Variants in SMOC1 observed in about 807,000 individuals in gnomAD.
SMOC1 encodes SPARC related modular calcium binding 1.
SMOC1 carries 22 observed loss-of-function variants against 56.3 expected under a neutral mutation model. The observed-to-expected ratio is 0.39, with a 90% confidence interval of 0.28 to 0.56. SMOC1 has a LOEUF of 0.56. Ranked by LOEUF, SMOC1 falls within the 20% of genes least tolerant of loss-of-function variation. The probability of loss-of-function intolerance (pLI) is 0.61; values close to 1 mark genes in which losing one functional copy is unlikely to be tolerated. For synonymous variants in SMOC1, 193 were observed against 215.0 expected (o/e 0.90, Z 0.89); for missense variants, 509 against 565.4 (o/e 0.90, Z 1.01).
intron 3 of SMOC1, 114 bp downstream of exon 3, chr14:69,953,646 G>A: frequency 2.3e-6 from 2 of 859,458 alleles, no homozygotes; most frequent in South Asian, 2.8e-5. Context: ...AGTTGAGTGA[G>A]TGGCTCTTCA....
At chr14:69,880,893 G>A (rs1225854083) in intron 1 of SMOC1, among the ~76,000 whole-genome samples, 2 of 152,348 alleles carry the variant, frequency 1.3e-5, no homozygotes, top group South Asian at 2.1e-4. Flanking sequence ...TATAGCTGTC[G>A]TGTGGAGAAA....
At chr14:69,897,322 T>C (rs547291833) in intron 1 of SMOC1, among the ~76,000 whole-genome samples, 14 of 152,374 alleles carry the variant, frequency 9.2e-5, no homozygotes, top group African/African-American at 3.4e-4. Flanking sequence ...ATAAGGTGGC[T>C]TGGGCCAGCC....
At chr14:69,985,053 A>G (rs1445231795) in intron 5 of SMOC1, among the ~76,000 whole-genome samples, 2 of 149,484 alleles carry the variant, frequency 1.3e-5, no homozygotes, top group African/African-American at 5.0e-5. Flanking sequence ...AAAAAAAAAA[A>G]GAAAAGAAAG....
chr14:70,019,130 A>C (rs1353985194), intron 10 of SMOC1, among the ~76,000 whole-genome samples: 1 of 152,154 alleles, frequency 6.6e-6, no homozygotes, highest in African/African-American at 2.4e-5. Flanking sequence ...GCTGTGGGAG[A>C]AGTGTAGCCT....
At chr14:69,882,278 A>G (rs2139281295) in intron 1 of SMOC1, among the ~76,000 whole-genome samples, 1 of 152,192 alleles carries the variant, frequency 6.6e-6, no homozygotes, top group Non-Finnish European at 1.5e-5. Context: ...CTCTTCTGTT[A>G]ATCTTTTGAG....
intron 10 of SMOC1, among the ~76,000 whole-genome samples, chr14:70,018,226 C>T (rs1254992133): frequency 1.3e-5 from 2 of 151,920 alleles, no homozygotes; most frequent in African/African-American, 4.8e-5. Context: ...GGCAGGAAGA[C>T]GATAGCAAGT....
At chr14:69,893,370 G>T (rs1230652691) in intron 1 of SMOC1, among the ~76,000 whole-genome samples, 5 of 152,154 alleles carry the variant, frequency 3.3e-5, no homozygotes, top group Non-Finnish European at 7.4e-5. Context: ...CTCTGGTGTT[G>T]CCATGGAGGG....
intron 10 of SMOC1, among the ~76,000 whole-genome samples, chr14:70,016,136 G>A (rs1318725294): frequency 1.3e-5 from 2 of 152,182 alleles, no homozygotes; most frequent in African/African-American, 2.4e-5. Flanking sequence ...GCAGGTGGGG[G>A]ACGCAGATGG....
At chr14:69,941,781 T>C (rs1396369283) in intron 1 of SMOC1, among the ~76,000 whole-genome samples, 1 of 152,224 alleles carries the variant, frequency 6.6e-6, no homozygotes, top group Non-Finnish European at 1.5e-5. Flanking sequence ...CTTGTGTACT[T>C]AGGTGTACCT....
Position 69,953,375 on chromosome 14 carries a change from G to A in SMOC1, c.266-45G>A, listed in dbSNP as rs764427388. The A allele has an allele frequency of 3.6e-5, 57 of 1,584,950 alleles. No homozygotes were observed. The Middle Eastern group carries it at 5.0e-4, about 14-fold the overall frequency. On this transcript the variant is annotated intron_variant, in intron 2 of 11. Coordinates refer to ENST00000361956, the MANE Select transcript of SMOC1 (RefSeq NM_001034852.3). ...AGCCATTTTGTCCCTCGGCCCCAGT[G>A]TCGAATCCAAGTGAAATATGAAATC...
In SMOC1 at chr14:69,997,676, T is replaced by C. The variant is rs1463726069; in HGVS notation, c.664+3196T>C. Among the ~76,000 whole-genome samples the C allele has an allele frequency of 4.6e-5, 7 of 152,252 alleles. No individual in the cohort carries two copies. In the East Asian group the frequency reaches 1.2e-3, roughly 25 times the overall value. ...GGTGACTCTTGGTGGAATATCTTTA[T>C]GTCTTTTGCTAGCCACTTGTCACAT... is the stretch of plus-strand genomic sequence containing the variant. On this transcript the variant is annotated intron_variant, in intron 7 of 11. Transcript: ENST00000361956.
chr14:69,921,182 A>G (rs1884831455), intron 1 of SMOC1, among the ~76,000 whole-genome samples: 1 of 152,176 alleles, frequency 6.6e-6, no homozygotes, highest in African/African-American at 2.4e-5. Context: ...CTCACAGCCC[A>G]GGGAGGCCAT....
At chr14:69,995,036 A>G (rs758103938) in intron 7 of SMOC1, among the ~76,000 whole-genome samples, 5 of 152,224 alleles carry the variant, frequency 3.3e-5, no homozygotes, top group Non-Finnish European at 7.3e-5. Context: ...TCTATTTACT[A>G]TCAATAAAGA....
At chr14:69,941,871 C>T (rs1432940722) in intron 1 of SMOC1, among the ~76,000 whole-genome samples, 1 of 152,192 alleles carries the variant, frequency 6.6e-6, no homozygotes, top group Non-Finnish European at 1.5e-5. Context: ...ATGGCTCCTT[C>T]CCTGAGAAAT....
chr14:69,893,776 CA>C (rs1884024797), intron 1 of SMOC1, among the ~76,000 whole-genome samples: 1 of 152,116 alleles, frequency 6.6e-6, no homozygotes, highest in Non-Finnish European at 1.5e-5. Context: ...CCTTCAAATT[CA>C]TGTGAAGTCT....
intron 10 of SMOC1, among the ~76,000 whole-genome samples, chr14:70,021,341 G>A (rs549678752): frequency 9.7e-4 from 147 of 152,304 alleles, no homozygotes; most frequent in African/African-American, 1.5e-3. Context: ...TGCAGGGGCC[G>A]TCTTAACAGT....
intron 5 of SMOC1, among the ~76,000 whole-genome samples, chr14:69,981,502 G>A (rs979273050): frequency 1.3e-5 from 2 of 152,078 alleles, no homozygotes; most frequent in Admixed American, 6.5e-5. Flanking sequence ...TTTGGTCCTG[G>A]CCCTTAAAGA....
intron 1 of SMOC1, among the ~76,000 whole-genome samples, chr14:69,910,986 A>C (rs1395838041): frequency 2.0e-5 from 3 of 152,224 alleles, no homozygotes; most frequent in Non-Finnish European, 4.4e-5. Context: ...AACTGTATCC[A>C]GACTCCATGT....
chr14:70,005,112 C>A (rs1188158352), intron 7 of SMOC1, among the ~76,000 whole-genome samples: 1 of 152,176 alleles, frequency 6.6e-6, no homozygotes, highest in Non-Finnish European at 1.5e-5. Flanking sequence ...AAAGGCCAGC[C>A]CAAAGATCTG....
Sources: allele counts gnomAD v4.1 joint callset (sites outside exome capture counted in the v4.1 genomes callset), GRCh38; gene constraint gnomAD v4.1.1; transcripts MANE v1.5; gene names NCBI Gene and HGNC (gene_info 2026-07-23, HGNC 2026-07-21).